Variants in FAAH2 observed in about 807,000 individuals in gnomAD.
FAAH2 encodes fatty acid amide hydrolase 2.
In FAAH2, 60 loss-of-function variants were observed where a neutral mutation model predicts 36.9. The ratio of observed to expected loss-of-function variants is 1.63; its 90% confidence interval spans 1.32 to 2.02. The LOEUF (loss-of-function observed/expected upper bound fraction) is 2.02, where lower values mean the gene tolerates loss of function less well. Among genes scored for constraint, FAAH2 ranks in the 30% most tolerant of loss-of-function variants. The pLI is 0.00. For synonymous variants in FAAH2, 214 were observed against 143.8 expected (o/e 1.49, Z -3.49); for missense variants, 689 against 397.5 (o/e 1.73, Z -6.23).
the FAAH2 span, among the ~76,000 whole-genome samples, chrX:57,263,499 A>G: frequency 8.9e-6 from 1 of 112,252 alleles, no homozygotes. Flanking sequence ...GATTGAACAT[A>G]GTAAAGATGT....
intron 3 of FAAH2, among the ~76,000 whole-genome samples, chrX:57,329,992 G>A (rs962452066): frequency 9.0e-6 from 1 of 111,522 alleles, no homozygotes; most frequent in Admixed American, 9.5e-5. Context: ...CATCTCACAA[G>A]CTGAGGAGGA....
At chrX:57,359,426 G>A (rs758757226) in intron 5 of FAAH2, among the ~76,000 whole-genome samples, 4 of 111,336 alleles carry the variant, frequency 3.6e-5, no homozygotes, top group Non-Finnish European at 7.6e-5. Context: ...AGTCTTCATG[G>A]ATTTTCTAGT....
At chrX:57,408,244 C>A (rs1195422198) in intron 7 of FAAH2, among the ~76,000 whole-genome samples, 1 of 110,698 alleles carries the variant, frequency 9.0e-6, no homozygotes, top group East Asian at 2.8e-4. Flanking sequence ...GTAGATCTGG[C>A]TGTTAATGAA....
At chrX:57,274,335 G>C in the FAAH2 span, among the ~76,000 whole-genome samples, 3 of 112,137 alleles carry the variant, frequency 2.7e-5, no homozygotes, top group South Asian at 3.7e-4. Context: ...GAGGAACAAA[G>C]AGGAGCTGCT....
chrX:57,196,804 T>C, the FAAH2 span, among the ~76,000 whole-genome samples: 1 of 111,715 alleles, frequency 9.0e-6, no homozygotes, highest in African/African-American at 3.3e-5. Context: ...TGACAGCTCT[T>C]AACATTCTTT....
chrX:57,301,111 G>A (rs1203485960), intron 2 of FAAH2, among the ~76,000 whole-genome samples: 2 of 107,844 alleles, frequency 1.9e-5, no homozygotes, highest in African/African-American at 6.7e-5. Flanking sequence ...CCCATTACTG[G>A]GTATATACCC....
chrX:57,443,265 G>C (rs1342194913), intron 8 of FAAH2, among the ~76,000 whole-genome samples: 2 of 111,225 alleles, frequency 1.8e-5, no homozygotes, highest in Non-Finnish European at 3.8e-5. Context: ...ATGTAGATTT[G>C]GTCTTTTCAC....
chrX:57,288,341 T>C (rs2051874274), intron 1 of FAAH2, among the ~76,000 whole-genome samples: 1 of 47,940 alleles, frequency 2.1e-5, no homozygotes, highest in Admixed American at 2.3e-4. Context: ...AACATTTCTT[T>C]TTTTTTTTTT....
At chrX:57,419,026 G>A (rs923162282) in intron 7 of FAAH2, among the ~76,000 whole-genome samples, 14 of 105,683 alleles carry the variant, frequency 1.3e-4, no homozygotes, top group Non-Finnish European at 2.7e-4. Flanking sequence ...TTTCATCCAT[G>A]TCCCTACAAA....
At chrX:57,164,105 C>A in the FAAH2 span, among the ~76,000 whole-genome samples, 1 of 111,844 alleles carries the variant, frequency 8.9e-6, no homozygotes, top group Non-Finnish European at 1.9e-5. Flanking sequence ...GAACAATATA[C>A]CTGACTTTAA....
chrX:57,441,441 G>T (rs1415849893), intron 8 of FAAH2, among the ~76,000 whole-genome samples: 1 of 110,692 alleles, frequency 9.0e-6, no homozygotes, highest in East Asian at 2.8e-4. Flanking sequence ...TGGGATTGGT[G>T]GTGCTATACC....
At chrX:57,158,187 T>C in the FAAH2 span, among the ~76,000 whole-genome samples, 18 of 112,089 alleles carry the variant, frequency 1.6e-4, no homozygotes, top group African/African-American at 5.2e-4. Flanking sequence ...CTCATCATTT[T>C]TTATGGCTGC....
rs983149331 is a variant in FAAH2, at chrX:57,466,975, A to G, written c.1423+18257A>G. ...AGATTTGTACAAGGAATCTTGGCTT[A>G]TAGAGGTCTCAAAAACAAGCTCTCC... On this transcript the variant is annotated intron_variant, in intron 10 of 10. Transcript: ENST00000374900. Among the ~76,000 whole-genome samples, 14 of 111,508 alleles carry G rather than the reference A, an allele frequency of 1.3e-4. 1 individual carries two copies. The highest frequency in any genetic ancestry group is 3.3e-4 in the African/African-American group (10 of 30,691).
At chrX:57,349,308 C>A (rs2053928961) in intron 5 of FAAH2, among the ~76,000 whole-genome samples, 1 of 94,381 alleles carries the variant, frequency 1.1e-5, no homozygotes, top group Non-Finnish European at 2.1e-5. Context: ...GATATACATA[C>A]ATACATATAT....
At chrX:57,285,672 GTTGT>G (rs1279774607), upstream of FAAH2, among the ~76,000 whole-genome samples, 1 of 111,612 alleles carries the variant, frequency 9.0e-6, no homozygotes, top group Non-Finnish European at 1.9e-5. Flanking sequence ...CTTTCGGATA[GTTGT>G]TTGTCAGGAG....
chrX:57,149,106 C>A, the FAAH2 span, among the ~76,000 whole-genome samples: 2 of 111,540 alleles, frequency 1.8e-5, no homozygotes, highest in African/African-American at 6.5e-5. Flanking sequence ...AGGGATGAAG[C>A]CCACTTGATC....
At chrX:57,299,494 A>G (rs1316545370) in intron 2 of FAAH2, among the ~76,000 whole-genome samples, 3 of 111,299 alleles carry the variant, frequency 2.7e-5, no homozygotes, top group African/African-American at 9.8e-5. Context: ...CCCACAGCCA[A>G]TATCATACTG....
At chrX:57,486,084 G>A (rs1039235307) in intron 10 of FAAH2, among the ~76,000 whole-genome samples, 1 of 111,571 alleles carries the variant, frequency 9.0e-6, no homozygotes, top group African/African-American at 3.3e-5. Context: ...GCTATCCTTT[G>A]CAATCACCTC....
At chrX:57,254,580 G>A in the FAAH2 span, among the ~76,000 whole-genome samples, 1 of 112,021 alleles carries the variant, frequency 8.9e-6, no homozygotes, top group Admixed American at 9.5e-5. Flanking sequence ...CTGTCTCTCA[G>A]TCCAGAGTGC....
Sources: gnomAD v4.1 joint callset for allele counts (sites outside exome capture counted in the v4.1 genomes callset) on GRCh38, gnomAD v4.1.1 for gene constraint, MANE v1.5 for transcripts, NCBI Gene and HGNC (gene_info 2026-07-23, HGNC 2026-07-21) for gene names.